PDZRN4: variants seen among roughly 807,000 people sequenced by gnomAD.
PDZRN4 encodes the protein PDZ domain containing ring finger 4.
A neutral mutation model predicts 99.0 loss-of-function variants in PDZRN4; 70 were observed. That is an observed-to-expected ratio of 0.71 (90% CI 0.58 to 0.86). The LOEUF is 0.86. PDZRN4 is among the 40% of genes least tolerant of loss of function. The pLI is 0.00. For synonymous variants in PDZRN4, 551 were observed against 501.6 expected (o/e 1.10, Z -1.32); for missense variants, 1,474 against 1,331.2 (o/e 1.11, Z -1.67).
chr12:41,328,452 A>C (rs1382246081), intron 3 of PDZRN4, among the ~76,000 whole-genome samples: 2 of 152,132 alleles, frequency 1.3e-5, no homozygotes, highest in Non-Finnish European at 2.9e-5. Flanking sequence ...CCACAAGTTC[A>C]TGGTTACAGT....
intron 3 of PDZRN4, among the ~76,000 whole-genome samples, chr12:41,493,911 G>GA (rs71081747): frequency 4.2e-5 from 6 of 144,172 alleles, no homozygotes; most frequent in East Asian, 2.1e-4. Context: ...TGGGGGGGGG[G>GA]ATTCTCTTTA....
intron 3 of PDZRN4, among the ~76,000 whole-genome samples, chr12:41,433,211 C>T (rs1272472124): frequency 6.6e-6 from 1 of 152,166 alleles, no homozygotes; most frequent in Non-Finnish European, 1.5e-5. Flanking sequence ...AATTTCAGCA[C>T]TTTCAGATGC....
intron 3 of PDZRN4, among the ~76,000 whole-genome samples, chr12:41,500,782 G>GTATATGAC (rs1373362646): frequency 2.6e-5 from 4 of 152,086 alleles, no homozygotes; most frequent in Admixed American, 6.6e-5. Flanking sequence ...AAATTAATTT[G>GTATATGAC]AAGATTGTAT....
chr12:41,381,287 A>T (rs1952123626), intron 3 of PDZRN4, among the ~76,000 whole-genome samples: 1 of 151,934 alleles, frequency 6.6e-6, no homozygotes, highest in Non-Finnish European at 1.5e-5. Flanking sequence ...AATTTCTTTA[A>T]ATAGACTTTC....
intron 3 of PDZRN4, among the ~76,000 whole-genome samples, chr12:41,237,600 G>A (rs1456610468): frequency 6.6e-6 from 1 of 152,002 alleles, no homozygotes; most frequent in African/African-American, 2.4e-5. Flanking sequence ...TATAATTTTG[G>A]GTTTTACAGT....
chr12:41,408,758 T>TTC (rs150446588), intron 3 of PDZRN4, among the ~76,000 whole-genome samples: 44,648 of 148,916 alleles, frequency 0.3, 6,686 homozygotes, highest in African/African-American at 0.35. Context: ...TCCTAAACAT[T>TTC]TCTCTCTCTC....
intron 7 of PDZRN4, among the ~76,000 whole-genome samples, chr12:41,562,736 A>G (rs1036359376): frequency 2.0e-5 from 3 of 152,082 alleles, no homozygotes; most frequent in African/African-American, 7.2e-5. Context: ...TTTTCTTTAG[A>G]ACTTAGAAAA....
intron 3 of PDZRN4, among the ~76,000 whole-genome samples, chr12:41,250,125 A>T (rs1365031088): frequency 1.3e-5 from 2 of 152,208 alleles, no homozygotes; most frequent in Non-Finnish European, 1.5e-5. Flanking sequence ...CAGACATATC[A>T]TTGTAAATGC....
At chr12:41,553,929 G>C (rs917560767) in intron 6 of PDZRN4, among the ~76,000 whole-genome samples, 1 of 152,024 alleles carries the variant, frequency 6.6e-6, no homozygotes, top group African/African-American at 2.4e-5. Flanking sequence ...GTACAACAGT[G>C]CTTATCTTAT....
At chr12:41,499,478 T>A (rs1938073100) in intron 3 of PDZRN4, among the ~76,000 whole-genome samples, 1 of 152,078 alleles carries the variant, frequency 6.6e-6, no homozygotes, top group African/African-American at 2.4e-5. Context: ...GAATAATTCA[T>A]ATAAATATGC....
intron 3 of PDZRN4, among the ~76,000 whole-genome samples, chr12:41,460,412 C>G (rs545467287): frequency 6.6e-6 from 1 of 152,218 alleles, no homozygotes; most frequent in African/African-American, 2.4e-5. Context: ...AACGAAACTT[C>G]CTTTTTGTGT....
intron 3 of PDZRN4, among the ~76,000 whole-genome samples, chr12:41,196,265 G>A (rs1037718238): frequency 9.2e-5 from 14 of 152,022 alleles, no homozygotes; most frequent in Admixed American, 5.2e-4. Context: ...AATTTAACTA[G>A]CTGCGGTATT....
intron 3 of PDZRN4, among the ~76,000 whole-genome samples, chr12:41,399,854 G>A (rs1178961230): frequency 6.6e-6 from 1 of 151,904 alleles, no homozygotes; most frequent in Admixed American, 6.6e-5. Context: ...TTCGTTTTTA[G>A]GGTAGAATCC....
intron 3 of PDZRN4, among the ~76,000 whole-genome samples, chr12:41,457,535 T>G (rs370300873): frequency 3.3e-5 from 5 of 152,200 alleles, no homozygotes; most frequent in African/African-American, 4.8e-5. Context: ...CAATGAGTTA[T>G]CTTTCTCTTC....
At chr12:41,216,048 C>A (rs1950919200) in intron 3 of PDZRN4, among the ~76,000 whole-genome samples, 1 of 151,900 alleles carries the variant, frequency 6.6e-6, no homozygotes, top group African/African-American at 2.4e-5. Context: ...CTATCAATTT[C>A]TTTTCTTTCT....
At chr12:41,472,785 A>G (rs140668752) in intron 3 of PDZRN4, among the ~76,000 whole-genome samples, 87 of 152,346 alleles carry the variant, frequency 5.7e-4, no homozygotes, top group African/African-American at 2.0e-3. Flanking sequence ...ACTGTGGCAT[A>G]GAATAGCTAA....
At chr12:41,306,804 C>T (rs2120941138) in intron 3 of PDZRN4, among the ~76,000 whole-genome samples, 1 of 152,308 alleles carries the variant, frequency 6.6e-6, no homozygotes, top group Non-Finnish European at 1.5e-5. Flanking sequence ...AACACAAAAA[C>T]AATTCAGCCA....
intron 3 of PDZRN4, among the ~76,000 whole-genome samples, chr12:41,385,336 A>C (rs1952161639): frequency 6.6e-6 from 1 of 152,158 alleles, no homozygotes; most frequent in South Asian, 2.1e-4. Context: ...TTCCAGACAG[A>C]AGGAACAGCC....
chr12:41,416,729 T>C (rs1180281898), intron 3 of PDZRN4, among the ~76,000 whole-genome samples: 3 of 152,306 alleles, frequency 2.0e-5, no homozygotes, highest in Middle Eastern at 3.4e-3. Context: ...TTTGGACAGA[T>C]TTAGCCACAG....
Sources: allele counts gnomAD v4.1 joint callset (sites outside exome capture counted in the v4.1 genomes callset), GRCh38; gene constraint gnomAD v4.1.1; transcripts MANE v1.5; gene names NCBI Gene and HGNC (gene_info 2026-07-23, HGNC 2026-07-21).